Variants in DEGS1 observed in about 807,000 individuals in gnomAD.
DEGS1 encodes delta 4-desaturase, sphingolipid 1.
A neutral mutation model predicts 24.1 loss-of-function variants in DEGS1; 17 were observed. The observed-to-expected ratio is 0.70, with a 90% CI of 0.48 to 1.06. The LOEUF is 1.06. Ranked by LOEUF, DEGS1 falls within the 50% of genes least tolerant of loss-of-function variation. The probability of loss-of-function intolerance (pLI) is 0.00; values close to 1 mark genes in which losing one functional copy is unlikely to be tolerated. For missense variants in DEGS1, 366 were observed against 408.9 expected, an observed-to-expected ratio of 0.90 and a Z score of 0.91; for synonymous variants, 134 against 140.0, an observed-to-expected ratio of 0.96 and a Z score of 0.30.
chr1:224,183,751 A>G (rs1658301295), intron 1 of DEGS1: 1 of 211,574 alleles, frequency 4.7e-6, no homozygotes, highest in African/African-American at 2.3e-5. Context: ...CCTTGAGTAG[A>G]TCTTTTCGCT....
At chr1:224,190,361 A>G (rs772699985) in intron 2 of DEGS1, 42 bp downstream of exon 2, 6 of 1,439,132 alleles carry the variant, frequency 4.2e-6, no homozygotes, top group Non-Finnish European at 5.5e-6. Context: ...TTGTTTTTTC[A>G]TTTGTTTGTT....
At chr1:224,188,092 G>A (rs1658441805) in intron 1 of DEGS1, among the ~76,000 whole-genome samples, 1 of 151,840 alleles carries the variant, frequency 6.6e-6, no homozygotes, top group South Asian at 2.1e-4. Flanking sequence ...ACTGCACCCA[G>A]CCATTAGCAT....
At position 224,183,266 on chromosome 1, in the gene DEGS1, G is replaced by T. The variant is rs1008368309; in HGVS notation, c.-71G>T. ...CCACACCAGCCGGGGAGCCGCCGCC[G>T]CCGCCGCCACCTCTGAGCAGCCGGC... On this transcript the variant is annotated 5_prime_UTR_variant, in exon 1 of 3. Transcript: ENST00000323699. 4.4e-6 allele frequency: 6 copies of T among 1,374,664 alleles called. No homozygotes were observed. In the African/African-American group the frequency reaches 9.1e-5, roughly 21 times the overall value. 85.2% of individuals were successfully genotyped at this position (1,374,664 alleles called of 1,614,324 possible).
At chr1:224,184,462 GT>G (rs1030438453) in intron 1 of DEGS1, among the ~76,000 whole-genome samples, 3 of 110,110 alleles carry the variant, frequency 2.7e-5, no homozygotes, top group Non-Finnish European at 6.6e-5. Flanking sequence ...GCACGTGTTT[GT>G]TTTTTGTTTG....
At chr1:224,183,696 C>T (rs1658299572) in intron 1 of DEGS1, 1 of 284,174 alleles carries the variant, frequency 3.5e-6, no homozygotes. Flanking sequence ...CCCCGCCAGG[C>T]CCACGCCGGC....
In DEGS1 at chr1:224,186,474, G is replaced by A. The variant is rs371820602; in HGVS notation, c.82+3056G>A. ...CACGCCTGTAATCCCAGCACTTTAGGAGGCTAAGGTGGGCGGATCATGAGG... is the reference window on the plus strand; with the variant it reads ...CACGCCTGTAATCCCAGCACTTTAGAAGGCTAAGGTGGGCGGATCATGAGG... On this transcript the variant is annotated intron_variant, in intron 1 of 2. Coordinates refer to ENST00000323699, the MANE Select transcript of DEGS1 (RefSeq NM_003676.4). Among the ~76,000 whole-genome samples, 7 of 152,194 alleles carry A rather than the reference G, an allele frequency of 4.6e-5. No individual in the cohort carries two copies. In the South Asian group the frequency reaches 1.4e-3, roughly 32 times the overall value.
Position 224,193,350 on chromosome 1 carries a change from T to G in DEGS1, c.*872T>G, listed in dbSNP as rs1458878229. On this transcript the variant is annotated 3_prime_UTR_variant, in exon 3 of 3. Coordinates refer to ENST00000323699, the MANE Select transcript of DEGS1 (RefSeq NM_003676.4). ...AAGCTGAATTACTCATTTAAAAATT[T>G]TAACTTCTATATGGGACCCGAATTA... 6.6e-6 allele frequency: 1 copy of G among 152,212 alleles called. No individual in the cohort carries two copies. Among genetic ancestry groups the G allele is most frequent in the Non-Finnish European group, 1.5e-5 (1 of 68,042 alleles). 9.4% of individuals were successfully genotyped at this position (152,212 alleles called of 1,614,324 possible).
In DEGS1 at chr1:224,191,550, T is replaced by G. The variant is rs1658535863; in HGVS notation, c.826-782T>G. 2.0e-5 allele frequency among the ~76,000 whole-genome samples: 3 copies of G among 150,336 alleles called. No individual in the cohort carries two copies. The South Asian group carries it at 6.3e-4, about 32-fold the overall frequency. Reference sequence around the variant, plus strand: ...TTTTTTAACTTGAGATGAAAAGACATTTTTAACTTGAGATGGCAGAATTGC... The same window carrying G: ...TTTTTTAACTTGAGATGAAAAGACAGTTTTAACTTGAGATGGCAGAATTGC... On this transcript the variant is annotated intron_variant, in intron 2 of 2. Coordinates refer to ENST00000323699, the MANE Select transcript of DEGS1 (RefSeq NM_003676.4).
Position 224,183,361 on chromosome 1 carries a change from G to A in DEGS1, c.25G>A (p.Asp9Asn). MGSRVSRE[D>N]FEWVYTDQPH... ...CATGGGGAGCCGCGTCTCGCGGGAA[G>A]ACTTCGAGTGGGTCTACACCGACCA... is the stretch of plus-strand genomic sequence containing the variant. Residue 9 changes from aspartate to asparagine, a missense_variant, in exon 1 of 3, where the codon GAC becomes AAC. By Grantham distance (23) the Asp-to-Asn change is conservative. Coordinates refer to ENST00000323699, the MANE Select transcript of DEGS1 (RefSeq NM_003676.4). The A allele has an allele frequency of 3.4e-6, 5 of 1,480,914 alleles. No individual in the cohort carries two copies. The highest frequency in any genetic ancestry group is 4.5e-6 in the Non-Finnish European group (5 of 1,113,828). The allele number at this position is 1,480,914 out of a possible 1,614,324, so 91.7% of individuals were successfully genotyped here.
chr1:224,189,626 A>G lies in DEGS1; in HGVS notation c.132A>G (p.Ile44Met). 6.2e-7 allele frequency: 1 copy of G among 1,612,316 alleles called. No homozygotes were observed. ...KSLMKPDPNL[I>M]WIIIMMVLTQ... ...TGATGAAACCTGATCCCAATTTGAT[A>G]TGGATTATAATTATGATGGTTCTCA... is the stretch of plus-strand genomic sequence containing the variant. The change falls in exon 2 of 3, where the codon ATA becomes ATG. Residue 44 changes from isoleucine (I) to methionine (M), a missense_variant. Coordinates refer to ENST00000323699, the MANE Select transcript of DEGS1 (RefSeq NM_003676.4).
chr1:224,189,146 C>T (rs905754830), intron 1 of DEGS1, among the ~76,000 whole-genome samples: 2 of 152,112 alleles, frequency 1.3e-5, no homozygotes, highest in African/African-American at 4.8e-5. Context: ...TACAGAATTA[C>T]TTGGAGCATG....
chr1:224,187,192 C>T (rs1319692818), intron 1 of DEGS1, among the ~76,000 whole-genome samples: 4 of 151,866 alleles, frequency 2.6e-5, no homozygotes, highest in African/African-American at 9.7e-5. Context: ...CCTGTAATCC[C>T]AGCTACTGGG....
chr1:224,189,019 C>A (rs955876746), intron 1 of DEGS1, among the ~76,000 whole-genome samples: 3 of 152,038 alleles, frequency 2.0e-5, no homozygotes, highest in Non-Finnish European at 4.4e-5. Context: ...CATTCTTTTG[C>A]CTGTTGATAA....
chr1:224,192,516 T>C lies in DEGS1; in HGVS notation c.*38T>C, dbSNP rs779794084. Reference sequence around the variant, plus strand: ...CCAAAGGGATTCTTCTCCAAAACTTTAGATGATAAAATGGAATTTTTGCAT... The same window carrying C: ...CCAAAGGGATTCTTCTCCAAAACTTCAGATGATAAAATGGAATTTTTGCAT... On this transcript the variant is annotated 3_prime_UTR_variant, in exon 3 of 3. Coordinates refer to ENST00000323699, the MANE Select transcript of DEGS1 (RefSeq NM_003676.4). 2.3e-5 allele frequency: 36 copies of C among 1,585,224 alleles called. No homozygotes were observed. Among genetic ancestry groups the C allele is most frequent in the Non-Finnish European group, 2.9e-5 (34 of 1,169,406 alleles).
At chr1:224,189,033 G>A (rs987603037) in intron 1 of DEGS1, among the ~76,000 whole-genome samples, 6 of 152,124 alleles carry the variant, frequency 3.9e-5, no homozygotes, top group Non-Finnish European at 8.8e-5. Flanking sequence ...TTGATAACAA[G>A]TCGGTCTAGC....
chr1:224,184,849 C>T (rs181014087), intron 1 of DEGS1, among the ~76,000 whole-genome samples: 1 of 151,944 alleles, frequency 6.6e-6, no homozygotes, highest in African/African-American at 2.4e-5. Context: ...GTTGAGGAAA[C>T]GGGGACCGGT....
In DEGS1 at chr1:224,183,256, A is replaced by G. The variant is rs867074494; in HGVS notation, c.-81A>G. On this transcript the variant is annotated 5_prime_UTR_variant, in exon 1 of 3. Coordinates refer to ENST00000323699, the MANE Select transcript of DEGS1 (RefSeq NM_003676.4). ...CCGGCCGACACCACACCAGCCGGGG[A>G]GCCGCCGCCGCCGCCGCCACCTCTG... 61 of 1,295,764 alleles carry G rather than the reference A, an allele frequency of 4.7e-5. 1 individual carries two copies. In the Middle Eastern group the frequency reaches 1.5e-3, roughly 33 times the overall value. 80.3% of individuals were successfully genotyped at this position (1,295,764 alleles called of 1,614,324 possible).
rs1426546375 is a variant in DEGS1, at chr1:224,193,333, T to A, written c.*855T>A. ...AAAATATATTTCCCTGTAAGCTGAATTACTCATTTAAAAATTTTAACTTCT... is the reference window on the plus strand; with the variant it reads ...AAAATATATTTCCCTGTAAGCTGAAATACTCATTTAAAAATTTTAACTTCT... On this transcript the variant is annotated 3_prime_UTR_variant, in exon 3 of 3. Transcript: ENST00000323699. The A allele has an allele frequency of 1.3e-5, 2 of 152,272 alleles. No homozygotes were observed. Among genetic ancestry groups the A allele is most frequent in the African/African-American group, 4.8e-5 (2 of 41,574 alleles). The allele number at this position is 152,272 out of a possible 1,614,324, so 9.4% of individuals were successfully genotyped here. A position where few individuals can be genotyped will look rare whatever the true frequency, so the allele number is the denominator to read the frequency against.
chr1:224,187,239 C>CAG (rs1658417225), intron 1 of DEGS1, among the ~76,000 whole-genome samples: 2 of 151,734 alleles, frequency 1.3e-5, no homozygotes, highest in Non-Finnish European at 2.9e-5. Context: ...ACCCAGGAGG[C>CAG]AGAGGGTGCA....
Sources: gnomAD v4.1 joint callset for allele counts (sites outside exome capture counted in the v4.1 genomes callset) on GRCh38, gnomAD v4.1.1 for gene constraint, MANE v1.5 for transcripts, NCBI Gene and HGNC (gene_info 2026-07-23, HGNC 2026-07-21) for gene names.